Variants in DMXL1 observed in about 807,000 individuals in gnomAD.
DMXL1 encodes the protein dmX-like protein 1.
DMXL1 carries 99 observed loss-of-function variants against 319.2 expected under a neutral mutation model. The ratio of observed to expected loss-of-function variants is 0.31; its 90% CI spans 0.26 to 0.37. The LOEUF is 0.37. Ranked by LOEUF, DMXL1 falls within the 10% of genes least tolerant of loss-of-function variation. DMXL1 has a pLI of 1.00. For synonymous variants in DMXL1, 1,385 were observed against 1,235.2 expected (o/e 1.12, Z -2.54); for missense variants, 3,745 against 3,595.6 (o/e 1.04, Z -1.06).
At chr5:119,228,444 C>T (rs1056660067) in intron 38 of DMXL1, among the ~76,000 whole-genome samples, 8 of 152,112 alleles carry the variant, frequency 5.3e-5, no homozygotes, top group Admixed American at 5.2e-4. Context: ...AACAAAATAA[C>T]TGAAAGTATG....
At chr5:119,087,633 G>A (rs924169455) in intron 1 of DMXL1, among the ~76,000 whole-genome samples, 7 of 151,952 alleles carry the variant, frequency 4.6e-5, no homozygotes, top group African/African-American at 9.7e-5. Flanking sequence ...ATTCTGCAGC[G>A]GTTAGGTGGG....
chr5:119,125,796 C>T (rs1461643447), intron 9 of DMXL1, among the ~76,000 whole-genome samples: 1 of 152,086 alleles, frequency 6.6e-6, no homozygotes, highest in African/African-American at 2.4e-5. Flanking sequence ...AATCTCCTGA[C>T]CTCGTGATCC....
intron 19 of DMXL1, among the ~76,000 whole-genome samples, chr5:119,156,643 T>C (rs1771135194): frequency 1.3e-5 from 2 of 152,090 alleles, no homozygotes; most frequent in African/African-American, 4.8e-5. Context: ...GTGGTAATTT[T>C]GTTTTTAAAT....
chr5:119,165,422 T>A (rs1773214102), intron 21 of DMXL1, 142 bp downstream of exon 21: 1 of 538,514 alleles, frequency 1.9e-6, no homozygotes, highest in Non-Finnish European at 3.2e-6. Flanking sequence ...AAGAGAGATT[T>A]CGTAAGGAAA....
intron 16 of DMXL1, 110 bp from the exon 17 acceptor site, chr5:119,147,138 TG>T (rs1384190333): frequency 1.8e-6 from 2 of 1,113,738 alleles, no homozygotes; most frequent in Non-Finnish European, 2.6e-6. Flanking sequence ...CATATTAATA[TG>T]TTTACTATTT....
intron 33 of DMXL1, among the ~76,000 whole-genome samples, chr5:119,203,970 C>G (rs1781291309): frequency 6.6e-6 from 1 of 151,348 alleles, no homozygotes. Flanking sequence ...CTACAGGTGC[C>G]CGCCACCACG....
At chr5:119,228,956 T>G (rs955029410) in intron 38 of DMXL1, among the ~76,000 whole-genome samples, 1 of 151,966 alleles carries the variant, frequency 6.6e-6, no homozygotes, top group Non-Finnish European at 1.5e-5. Context: ...AATGTTAATA[T>G]TAACATTAGG....
intron 28 of DMXL1, among the ~76,000 whole-genome samples, chr5:119,182,581 A>G (rs1776972199): frequency 1.3e-5 from 2 of 152,086 alleles, no homozygotes; most frequent in South Asian, 4.1e-4. Flanking sequence ...TATATCTATT[A>G]TATACTTAAT....
At chr5:119,114,778 C>T (rs1419683672) in intron 6 of DMXL1, among the ~76,000 whole-genome samples, 1 of 152,158 alleles carries the variant, frequency 6.6e-6, no homozygotes, top group Non-Finnish European at 1.5e-5. Flanking sequence ...AAGCGATTCT[C>T]CTGCCTCAGC....
rs754930968 is a variant in DMXL1 at position 119,165,287 on chromosome 5, A to G, written c.4970+7A>G. 2.5e-5 allele frequency: 2 copies of G among 81,464 alleles called. No homozygotes were observed. Among genetic ancestry groups the G allele is most frequent in the South Asian group, 3.7e-4 (1 of 2,728 alleles). 5.0% of individuals were successfully genotyped at this position (81,464 alleles called of 1,614,324 possible). A position where few individuals can be genotyped will look rare whatever the true frequency, so the allele number is the denominator to read the frequency against. ...TGATTTGGGGATTATATAGGTAGGT[A>G]AAAAAAAAAAAAAAAAAGGGTGCTT... On this transcript the variant is annotated splice_region_variant and intron_variant, in intron 21 of 43. Transcript: ENST00000539542.
chr5:119,149,394 C>G lies in DMXL1; in HGVS notation c.3567C>G (p.Thr1189=). ...TGGCATTTCCTCTCTGGGAGAGTAC[C>G]AAAGTTGTGCCCCTTTCTAAATTTG... ...ETLAFPLWES[T]KVVPLSKFVL... Residue 1189 remains threonine, a synonymous_variant, in exon 18 of 44, where the codon ACC becomes ACG. Transcript: ENST00000539542. The G allele has an allele frequency of 6.2e-7, 1 of 1,613,882 alleles. No individual in the cohort carries two copies. Among genetic ancestry groups the G allele is most frequent in the South Asian group, 1.1e-5 (1 of 91,074 alleles).
intron 35 of DMXL1, among the ~76,000 whole-genome samples, chr5:119,220,257 A>G (rs1784427146): frequency 6.6e-6 from 1 of 152,154 alleles, no homozygotes; most frequent in Non-Finnish European, 1.5e-5. Context: ...ATGTATTGCC[A>G]TTTATACTGG....
In DMXL1 at chr5:119,148,670, C is replaced by A. The variant is rs142940651; in HGVS notation, c.2912-69C>A. On this transcript the variant is annotated intron_variant, in intron 17 of 43. Coordinates refer to ENST00000539542, the MANE Select transcript of DMXL1 (RefSeq NM_001290321.3). ...AGTAGTTAATACAAAAGACTAAAAT[C>A]GTAAGTACATAAAAACAGAAGTATT... 1.1e-3 allele frequency: 1,558 copies of A among 1,462,452 alleles called. 15 individuals carry two copies. In the African/African-American group the frequency reaches 0.02, roughly 19 times the overall value. 90.6% of individuals were successfully genotyped at this position (1,462,452 alleles called of 1,614,324 possible).
intron 9 of DMXL1, among the ~76,000 whole-genome samples, chr5:119,122,159 A>G (rs1446800422): frequency 1.2e-3 from 92 of 77,674 alleles, no homozygotes; most frequent in African/African-American, 1.9e-3. Context: ...CCTCCCTCCC[A>G]GACGGGGCGG....
chr5:119,108,161 G>C (rs1424368693), intron 4 of DMXL1, among the ~76,000 whole-genome samples: 1 of 152,144 alleles, frequency 6.6e-6, no homozygotes, highest in African/African-American at 2.4e-5. Flanking sequence ...CCAGGAGTTT[G>C]AGACCAGCCT....
chr5:119,202,895 A>T (rs1203331618), intron 32 of DMXL1, among the ~76,000 whole-genome samples: 2 of 141,078 alleles, frequency 1.4e-5, no homozygotes, highest in Admixed American at 7.1e-5. Context: ...TTATATATAT[A>T]TATATATATA....
At chr5:119,121,869 C>CTGCAATCTCGGCACTTTGGGA (rs1176515263) in intron 9 of DMXL1, among the ~76,000 whole-genome samples, 5 of 150,112 alleles carry the variant, frequency 3.3e-5, no homozygotes, top group Non-Finnish European at 5.9e-5. Flanking sequence ...CGGGCAGAGG[C>CTGCAATCTCGGCACTTTGGGA]GCCCCTCACC....
chr5:119,080,439 G>T (rs1008601680), intron 1 of DMXL1, among the ~76,000 whole-genome samples: 11 of 151,924 alleles, frequency 7.2e-5, no homozygotes, highest in African/African-American at 2.7e-4. Context: ...TGTTTTGTTC[G>T]TCCTCCTGTG....
intron 1 of DMXL1, among the ~76,000 whole-genome samples, chr5:119,096,891 CTAGAG>C (rs1280415025): frequency 1.2e-4 from 19 of 152,136 alleles, no homozygotes; most frequent in Non-Finnish European, 2.6e-4. Context: ...GAATTGAGGA[CTAGAG>C]TAGAGAACAA....
Sources: allele counts gnomAD v4.1 joint callset (sites outside exome capture counted in the v4.1 genomes callset), GRCh38; gene constraint gnomAD v4.1.1; transcripts MANE v1.5; gene names NCBI Gene and HGNC (gene_info 2026-07-23, HGNC 2026-07-21).